MIER2: variants seen among roughly 807,000 people sequenced by gnomAD.
MIER2 encodes MIER family member 2.
MIER2 carries 30 observed loss-of-function variants against 67.6 expected under a neutral mutation model. The ratio of observed to expected loss-of-function variants is 0.44; its 90% CI spans 0.33 to 0.60. The LOEUF (loss-of-function observed/expected upper bound fraction) is 0.60. MIER2 is among the 20% of genes least tolerant of loss of function. The probability of loss-of-function intolerance (pLI) is 0.02; values close to 1 mark genes in which losing one functional copy is unlikely to be tolerated. For missense variants in MIER2, 702 were observed against 745.1 expected (o/e 0.94, Z 0.67); for synonymous variants, 372 against 312.6 (o/e 1.19, Z -2.00).
intron 7 of MIER2, among the ~76,000 whole-genome samples, chr19:322,856 C>T (rs541267057): frequency 1.3e-5 from 2 of 152,326 alleles, no homozygotes; most frequent in South Asian, 4.1e-4. Context: ...CCAACCATGA[C>T]CGCAGCCCAT....
chr19:315,452 A>G (rs1971198205), intron 7 of MIER2, among the ~76,000 whole-genome samples: 1 of 152,386 alleles, frequency 6.6e-6, no homozygotes, highest in East Asian at 1.9e-4. Flanking sequence ...GAAGACTTCA[A>G]TCTAACGAGG....
At chr19:327,659 G>T (rs1202059862) in intron 4 of MIER2, among the ~76,000 whole-genome samples, 1 of 152,238 alleles carries the variant, frequency 6.6e-6, no homozygotes. Flanking sequence ...ACCAAAGCCA[G>T]AATGACATGT....
At position 307,310 on chromosome 19, in the gene MIER2, G is replaced by A; in HGVS notation, c.1425C>T (p.Ala475=). The change falls in exon 13 of 14, where the codon GCC becomes GCT. Residue 475 remains alanine, a synonymous_variant. Coordinates refer to ENST00000264819, the MANE Select transcript of MIER2 (RefSeq NM_017550.3). ...AGATGAGGGGCAGCTCCTTGGGCAGGGCGAAGTCCACGGCCAGCCTTGGGC... is the reference window on the plus strand; with the variant it reads ...AGATGAGGGGCAGCTCCTTGGGCAGAGCGAAGTCCACGGCCAGCCTTGGGC... ...DASPRLAVDF[A]LPKELPLISS... The A allele has an allele frequency of 6.2e-7, 1 of 1,600,628 alleles. No individual in the cohort carries two copies. The highest frequency in any genetic ancestry group is 8.5e-7 in the Non-Finnish European group (1 of 1,174,356).
chr19:338,900 A>T (rs920582636), intron 1 of MIER2, among the ~76,000 whole-genome samples: 1 of 152,216 alleles, frequency 6.6e-6, no homozygotes, highest in African/African-American at 2.4e-5. Context: ...TGCAAAAATT[A>T]CCTCAAAATG....
chr19:309,947 A>C (rs1308262416), intron 10 of MIER2, among the ~76,000 whole-genome samples: 3 of 122,222 alleles, frequency 2.5e-5, no homozygotes, highest in Non-Finnish European at 3.3e-5. Context: ...CAGGGAGACG[A>C]GAAGAGACAC....
Position 307,485 on chromosome 19 carries a change from G to C in MIER2, c.1250C>G (p.Ala417Gly), listed in dbSNP as rs746504417. 2 of 1,531,966 alleles carry C rather than the reference G, an allele frequency of 1.3e-6. No individual in the cohort carries two copies. Among genetic ancestry groups the C allele is most frequent in the Non-Finnish European group, 1.7e-6 (2 of 1,144,038 alleles). The allele number at this position is 1,531,966 out of a possible 1,614,324, so 94.9% of individuals were successfully genotyped here. A position where few individuals can be genotyped will look rare whatever the true frequency, so the allele number is the denominator to read the frequency against. ...TAGGLDEPGV[A>G]SDGLPSSEPG... ...CTCCGAGGACGGGAGTCCATCAGAGGCCACTCCGGGCTCATCGAGACCACC... is the reference window on the plus strand; with the variant it reads ...CTCCGAGGACGGGAGTCCATCAGAGCCCACTCCGGGCTCATCGAGACCACC... The change falls in exon 13 of 14, where the codon GCC (alanine) becomes GGC (glycine). Residue 417 changes from alanine (A) to glycine (G), a missense_variant. Transcript: ENST00000264819.
chr19:339,874 A>G (rs1027232774), intron 1 of MIER2, among the ~76,000 whole-genome samples: 1 of 152,128 alleles, frequency 6.6e-6, no homozygotes, highest in Non-Finnish European at 1.5e-5. Flanking sequence ...GGGTGATGAA[A>G]ATGTTTTAAA....
intron 1 of MIER2, 143 bp from the exon 2 acceptor site, chr19:336,316 T>TG (rs370918013): frequency 4.6e-6 from 3 of 655,128 alleles, no homozygotes; most frequent in East Asian, 2.8e-5. Flanking sequence ...CTCTGAGGGC[T>TG]GGGGGGCACT....
intron 7 of MIER2, among the ~76,000 whole-genome samples, chr19:317,430 A>G (rs62103701): frequency 0.21 from 31,093 of 151,632 alleles, 4,175 homozygotes; most frequent in Non-Finnish European, 0.28. Context: ...AGGAGGCTGA[A>G]GCAGGAGAAT....
intron 2 of MIER2, among the ~76,000 whole-genome samples, chr19:335,031 C>T (rs1332732611): frequency 6.6e-6 from 1 of 152,184 alleles, no homozygotes; most frequent in Non-Finnish European, 1.5e-5. Context: ...CCTTAAGCTC[C>T]GTCTGCAGGG....
chr19:324,485 C>A (rs1249880448), intron 7 of MIER2, among the ~76,000 whole-genome samples: 1 of 138,594 alleles, frequency 7.2e-6, no homozygotes, highest in African/African-American at 2.9e-5. Context: ...ACACAAGACA[C>A]ACACAACCAC....
intron 1 of MIER2, among the ~76,000 whole-genome samples, chr19:338,875 C>T (rs962086714): frequency 6.6e-6 from 1 of 152,104 alleles, no homozygotes; most frequent in African/African-American, 2.4e-5. Flanking sequence ...AGTTGGACCC[C>T]TATCTCATAC....
At chr19:344,300 TG>T (rs1484809062) in intron 1 of MIER2, 1 of 984,434 alleles carries the variant, frequency 1.0e-6, no homozygotes, top group Non-Finnish European at 1.2e-6. Flanking sequence ...GGAGGCGCGG[TG>T]GGTCCACCGG....
In MIER2 at chr19:327,276, A is replaced by G; in HGVS notation, c.370-20T>C. ...TTGTTCCTTTAAAAAAAAAAAAAAA[A>G]GTAAAGAACATTTTACAGTTTAACA... On this transcript the variant is annotated intron_variant, in intron 4 of 13. Transcript: ENST00000264819. 6.4e-7 allele frequency: 1 copy of G among 1,556,662 alleles called. No individual in the cohort carries two copies. Among genetic ancestry groups the G allele is most frequent in the Non-Finnish European group, 8.7e-7 (1 of 1,154,512 alleles).
chr19:320,081 C>T (rs1023147788), intron 7 of MIER2, among the ~76,000 whole-genome samples: 49 of 152,216 alleles, frequency 3.2e-4, no homozygotes, highest in African/African-American at 8.7e-4. Context: ...CACTTAAAGA[C>T]GCCTTACTGC....
At chr19:318,872 C>T (rs1217938378) in intron 7 of MIER2, among the ~76,000 whole-genome samples, 1 of 151,902 alleles carries the variant, frequency 6.6e-6, no homozygotes, top group Non-Finnish European at 1.5e-5. Context: ...CTGGCTAACA[C>T]AGTGAAACCC....
In MIER2 at chr19:334,097, T is replaced by C; in HGVS notation, c.243+303A>G. 3 of 268,252 alleles carry C rather than the reference T, an allele frequency of 1.1e-5. No individual in the cohort carries two copies. The South Asian group carries it at 1.5e-4, about 13-fold the overall frequency. The allele number at this position is 268,252 out of a possible 1,614,324, so 16.6% of individuals were successfully genotyped here. ...GCCTCAGCCTCCCAAAGTGCTGGGATTACAAGCGTGAGCCACTGCACCCAG... is the reference window on the plus strand; with the variant it reads ...GCCTCAGCCTCCCAAAGTGCTGGGACTACAAGCGTGAGCCACTGCACCCAG... On this transcript the variant is annotated intron_variant, in intron 3 of 13. Coordinates refer to ENST00000264819, the MANE Select transcript of MIER2 (RefSeq NM_017550.3).
chr19:333,813 C>T (rs987332629), intron 3 of MIER2, among the ~76,000 whole-genome samples: 5 of 149,782 alleles, frequency 3.3e-5, no homozygotes, highest in Admixed American at 6.7e-5. Context: ...CTCAGCCTCC[C>T]GAGTAGCTGG....
At position 308,724 on chromosome 19, in the gene MIER2, G is replaced by T; in HGVS notation, c.1110-59C>A. 1 of 1,593,534 alleles carries T rather than the reference G, an allele frequency of 6.3e-7. No homozygotes were observed. The highest frequency in any genetic ancestry group is 2.3e-5 in the East Asian group (1 of 44,272). ...CAGGACAGACGCCCCCACCCAAGAG[G>T]TGCCGCCCAGGCGCCCACGTGCCCA... On this transcript the variant is annotated intron_variant, in intron 11 of 13. Transcript: ENST00000264819. The surrounding 1 kb of genome is among the most constrained non-coding windows in gnomAD (Gnocchi z 9.1).
Sources: gnomAD v4.1 joint callset for allele counts (sites outside exome capture counted in the v4.1 genomes callset) on GRCh38, gnomAD v4.1.1 for gene constraint, Gnocchi (gnomAD v3.1) non-coding constraint, MANE v1.5 for transcripts, NCBI Gene and HGNC (gene_info 2026-07-23, HGNC 2026-07-21) for gene names.